Variants in TNNT1 observed in about 807,000 individuals in gnomAD.
TNNT1 encodes the protein troponin T1, slow skeletal type.
A neutral mutation model predicts 50.6 loss-of-function variants in TNNT1; 53 were observed. The observed-to-expected ratio is 1.05, with a 90% CI of 0.84 to 1.32. TNNT1 has a LOEUF of 1.32. Ranked by LOEUF, TNNT1 falls within the 40% of genes most tolerant of loss-of-function variation. The probability of loss-of-function intolerance (pLI) is 0.00; values close to 1 mark genes in which losing one functional copy is unlikely to be tolerated. For synonymous variants in TNNT1, 142 were observed against 138.0 expected (o/e 1.03, Z -0.20); for missense variants, 348 against 381.7 (o/e 0.91, Z 0.74).
At chr19:55,133,448 G>A (rs2085283481) in intron 13 of TNNT1, 1 of 304,130 alleles carries the variant, frequency 3.3e-6, no homozygotes, top group African/African-American at 2.2e-5. Flanking sequence ...AGGAGGCCAA[G>A]GCGGGTGGAT....
intron 11 of TNNT1, among the ~76,000 whole-genome samples, chr19:55,135,762 C>G (rs1436103282): frequency 1.3e-5 from 2 of 152,076 alleles, no homozygotes; most frequent in African/African-American, 2.4e-5. Flanking sequence ...CTCAGGTGAT[C>G]TGCCCGCCTC....
intron 6 of TNNT1, chr19:55,145,336 GGAA>G (rs2085527946): frequency 3.2e-6 from 2 of 631,670 alleles, no homozygotes; most frequent in Non-Finnish European, 5.7e-6. Context: ...AAGGGGAAGG[GGAA>G]GAAGAGGAAG....
rs112374566 is a variant in TNNT1 at position 55,140,808 on chromosome 19, A to C, written c.387+75T>G. ...TAATAATAATAGTAATAATAATAAT[A>C]ATAATAATAATAACAAAATGGGCAT... On this transcript the variant is annotated intron_variant, in intron 9 of 13. Coordinates refer to ENST00000588981, the MANE Select transcript of TNNT1 (RefSeq NM_003283.6). 1.2e-3 allele frequency: 1,210 copies of C among 1,018,350 alleles called. 15 individuals are homozygous for C. The highest frequency in any genetic ancestry group is 1.4e-3 in the Non-Finnish European group (960 of 707,128). 63.1% of individuals were successfully genotyped at this position (1,018,350 alleles called of 1,614,324 possible). A position where few individuals can be genotyped will look rare whatever the true frequency, so the allele number is the denominator to read the frequency against.
chr19:55,138,433 G>A (rs971091543), intron 9 of TNNT1, among the ~76,000 whole-genome samples: 5 of 152,146 alleles, frequency 3.3e-5, no homozygotes, highest in Admixed American at 6.5e-5. Flanking sequence ...ACCCGCCACC[G>A]CGCCCAACTA....
intron 6 of TNNT1, among the ~76,000 whole-genome samples, chr19:55,144,120 G>A (rs543686250): frequency 2.6e-4 from 36 of 137,238 alleles, no homozygotes; most frequent in African/African-American, 6.9e-4. Context: ...CCAGGCTGCC[G>A]TGCAATGACA....
At chr19:55,146,947 C>T (rs1347334257) in intron 3 of TNNT1, 61 bp downstream of exon 3, 2 of 1,530,970 alleles carry the variant, frequency 1.3e-6, no homozygotes, top group African/African-American at 1.4e-5. Flanking sequence ...CTCCTCGCCT[C>T]CCCTCCCAAG....
At chr19:55,146,885 G>A (rs1420448054) in intron 3 of TNNT1, 123 bp downstream of exon 3, 2 of 1,332,338 alleles carry the variant, frequency 1.5e-6, no homozygotes, top group Non-Finnish European at 2.0e-6. Flanking sequence ...ACCCGGAGAG[G>A]GCGGGCGAGG....
rs183650341 is a variant in TNNT1 at position 55,140,526 on chromosome 19, C to T, written c.387+357G>A. The stretch of plus-strand genomic sequence containing the variant: ...GGATGCGGTGGCTCACACCTGTAAT[C>T]CCAGCACTTTGGAAGGCTGAGGTGG... On this transcript the variant is annotated intron_variant, in intron 9 of 13. Transcript: ENST00000588981. The T allele has an allele frequency of 2.8e-3, 438 of 158,346 alleles. 3 individuals are homozygous for T. The highest frequency in any genetic ancestry group is 0.01 in the African/African-American group (429 of 41,674). The allele number at this position is 158,346 out of a possible 1,614,324, so 9.8% of individuals were successfully genotyped here.
intron 6 of TNNT1, among the ~76,000 whole-genome samples, chr19:55,143,492 G>A (rs1343166880): frequency 6.6e-6 from 1 of 152,260 alleles, no homozygotes; most frequent in African/African-American, 2.4e-5. Flanking sequence ...TGGGCAAGGG[G>A]AGGGAAGAGG....
chr19:55,143,674 G>C (rs1032821332), intron 6 of TNNT1, among the ~76,000 whole-genome samples: 1 of 152,000 alleles, frequency 6.6e-6, no homozygotes, highest in African/African-American at 2.4e-5. Flanking sequence ...CCCTCTGGCT[G>C]TTCCATCCCT....
chr19:55,135,525 CTTTTTTT>C (rs35798514), intron 11 of TNNT1: 7 of 171,854 alleles, frequency 4.1e-5, no homozygotes, highest in African/African-American at 9.3e-5. Flanking sequence ...TCACCTCAGC[CTTTTTTT>C]TTTTTTTTTT....
chr19:55,136,951 A>C, intron 11 of TNNT1, 152 bp downstream of exon 11: 1 of 604,974 alleles, frequency 1.7e-6, no homozygotes, highest in South Asian at 1.9e-5. Flanking sequence ...AGAAGGCAGC[A>C]GAGGCCCAGA....
intron 5 of TNNT1, 73 bp downstream of exon 5, chr19:55,146,361 T>G (rs2085551016): frequency 2.6e-6 from 3 of 1,139,488 alleles, no homozygotes; most frequent in Non-Finnish European, 3.5e-6. Context: ...TCTTGGAGGT[T>G]GGGGCCCGAG....
intron 6 of TNNT1, among the ~76,000 whole-genome samples, chr19:55,143,681 C>T (rs1224104854): frequency 6.6e-6 from 1 of 152,132 alleles, no homozygotes; most frequent in East Asian, 1.9e-4. Context: ...GCTGTTCCAT[C>T]CCTATCTCCT....
intron 6 of TNNT1, among the ~76,000 whole-genome samples, chr19:55,144,501 T>C (rs1360457939): frequency 6.6e-6 from 1 of 152,202 alleles, no homozygotes; most frequent in Non-Finnish European, 1.5e-5. Flanking sequence ...TTCCTCAGCC[T>C]CCTGAGTAGC....
At position 55,137,960 on chromosome 19, in the gene TNNT1, C is replaced by T. The variant is rs766934517; in HGVS notation, c.501+1G>A. Reference sequence around the variant, plus strand: ...CCTCAGGCTCCTGCAGGCTGACTCACCTTGACCAGGTAGCCGCCAAAATGG... The same window carrying T: ...CCTCAGGCTCCTGCAGGCTGACTCATCTTGACCAGGTAGCCGCCAAAATGG... On this transcript the variant is annotated splice_donor_variant, in intron 10 of 13. Transcript: ENST00000588981. LOFTEE classifies it high-confidence loss of function. 39 of 1,614,200 alleles carry T rather than the reference C, an allele frequency of 2.4e-5. No individual in the cohort carries two copies. Among genetic ancestry groups the T allele is most frequent in the Non-Finnish European group, 3.1e-5 (37 of 1,180,032 alleles).
At chr19:55,137,809 C>T in intron 10 of TNNT1, 152 bp downstream of exon 10, 1 of 948,162 alleles carries the variant, frequency 1.1e-6, no homozygotes, top group East Asian at 2.6e-5. Flanking sequence ...CCAGCTCCTC[C>T]TCCCTCAGAC....
chr19:55,139,814 T>A (rs6509926), intron 9 of TNNT1, among the ~76,000 whole-genome samples: 5,069 of 135,618 alleles, frequency 0.037, 191 homozygotes, highest in South Asian at 0.11. Context: ...TAAAAAAAAA[T>A]AATAATAATA....
chr19:55,147,150 TC>T lies in TNNT1; in HGVS notation c.7del (p.Asp3ThrfsTer48), dbSNP rs765718836. 1.2e-6 allele frequency: 2 copies of T among 1,613,754 alleles called. No homozygotes were observed. Among genetic ancestry groups the T allele is most frequent in the South Asian group, 2.2e-5 (2 of 90,952 alleles). Reference protein sequence around the residue: MSDTEEQEYEEEQ... With the variant: MSXTEEQEYEEEQ... ...CTCCTCATATTCCTGCTCCTCGGTG[TC>T]CGACATCCTGGTGCGGCCTAAGGAC... On this transcript the variant is annotated frameshift_variant, in exon 2 of 14. Coordinates refer to ENST00000588981, the MANE Select transcript of TNNT1 (RefSeq NM_003283.6). LOFTEE classifies it high-confidence loss of function.
Sources: gnomAD v4.1 joint callset for allele counts (sites outside exome capture counted in the v4.1 genomes callset) on GRCh38, gnomAD v4.1.1 for gene constraint, MANE v1.5 for transcripts, NCBI Gene and HGNC (gene_info 2026-07-23, HGNC 2026-07-21) for gene names.